Variants in C19orf67 observed in about 807,000 individuals in gnomAD.
The protein encoded by C19orf67 is chromosome 19 open reading frame 67.
In C19orf67, 28 loss-of-function variants were observed where a neutral mutation model predicts 41.4. That is an observed-to-expected ratio of 0.68 (90% CI 0.50 to 0.93). The LOEUF (loss-of-function observed/expected upper bound fraction) is 0.93, where lower values mean the gene tolerates loss of function less well. C19orf67 is among the 40% of genes least tolerant of loss of function. C19orf67 has a pLI of 0.00. For synonymous variants in C19orf67, 242 were observed against 203.4 expected, an observed-to-expected ratio of 1.19 and a Z score of -1.62; for missense variants, 421 against 467.0, an observed-to-expected ratio of 0.90 and a Z score of 0.91.
At chr19:14,082,748 C>A in intron 4 of C19orf67, 145 bp from the exon 5 acceptor site, 1 of 646,372 alleles carries the variant, frequency 1.5e-6, no homozygotes, top group South Asian at 2.7e-5. Flanking sequence ...GCCTTTTCTC[C>A]CTGCCAGCCT....
At chr19:14,082,651 C>T in intron 4 of C19orf67, 48 bp from the exon 5 acceptor site, 1 of 1,508,734 alleles carries the variant, frequency 6.6e-7, no homozygotes. Flanking sequence ...TTCCTAGCTA[C>T]TTCTGTTGAG....
intron 5 of C19orf67, 53 bp from the exon 6 acceptor site, chr19:14,082,061 C>T (rs560431816): frequency 2.2e-6 from 3 of 1,376,042 alleles, no homozygotes; most frequent in South Asian, 1.5e-5. Context: ...GCCCCCTGCC[C>T]CTCGGGAGTC....
At chr19:14,082,722 G>T in intron 4 of C19orf67, 119 bp from the exon 5 acceptor site, 2 of 873,072 alleles carry the variant, frequency 2.3e-6, no homozygotes, top group Non-Finnish European at 3.3e-6. Flanking sequence ...TTCTCAGGTA[G>T]GAATGTGACT....
At chr19:14,085,153 C>T in intron 1 of C19orf67, 140 bp downstream of exon 1, 1 of 665,454 alleles carries the variant, frequency 1.5e-6, no homozygotes, top group Non-Finnish European at 2.6e-6. Context: ...AAACTGGATT[C>T]TAATATGCTA....
Position 14,082,192 on chromosome 19 carries a change from G to A in C19orf67, c.903-184C>T, listed in dbSNP as rs564541034. Among the ~76,000 whole-genome samples the A allele has an allele frequency of 4.6e-5, 7 of 152,298 alleles. No homozygotes were observed. In the East Asian group the frequency reaches 1.3e-3, roughly 29 times the overall value. ...GACTTAGTAATGGCTCCTAGAGGCT[G>A]AATAACTGGTCCTGACCTGTCCATT... On this transcript the variant is annotated intron_variant, in intron 5 of 5. Coordinates refer to ENST00000548523, the MANE Select transcript of C19orf67 (RefSeq NM_001277378.2).
rs1355586105 is a variant in C19orf67 at position 14,082,695 on chromosome 19, C to G, written c.768-92G>C. ...TTTTGGAGTTGAGGTGGGAACTCATCAGAAGTTGCCCTGAAGTTCTCAGGT... is the reference window on the plus strand; with the variant it reads ...TTTTGGAGTTGAGGTGGGAACTCATGAGAAGTTGCCCTGAAGTTCTCAGGT... On this transcript the variant is annotated intron_variant, in intron 4 of 5. Coordinates refer to ENST00000548523, the MANE Select transcript of C19orf67 (RefSeq NM_001277378.2). 9 of 1,270,912 alleles carry G rather than the reference C, an allele frequency of 7.1e-6. No homozygotes were observed. In the East Asian group the frequency reaches 2.4e-4, roughly 35 times the overall value. 78.7% of individuals were successfully genotyped at this position (1,270,912 alleles called of 1,614,324 possible).
In C19orf67 at chr19:14,084,923, C is replaced by T. The variant is rs59007753; in HGVS notation, c.335+370G>A. 2.0e-3 allele frequency among the ~76,000 whole-genome samples: 303 copies of T among 152,302 alleles called. 3 individuals are homozygous for T. Among genetic ancestry groups the T allele is most frequent in the African/African-American group, 6.9e-3 (286 of 41,572 alleles). ...ATTGAGAGTCACAGGGAAACCTGGT[C>T]TGGGAATCACATTATCCTTTGGAGT... On this transcript the variant is annotated intron_variant, in intron 1 of 5. Transcript: ENST00000548523.
chr19:14,082,616 G>C lies in C19orf67; in HGVS notation c.768-13C>G. The C allele has an allele frequency of 6.5e-7, 1 of 1,534,846 alleles. No individual in the cohort carries two copies. The highest frequency in any genetic ancestry group is 8.7e-7 in the Non-Finnish European group (1 of 1,146,076). On this transcript the variant is annotated splice_polypyrimidine_tract_variant and intron_variant, in intron 4 of 5. Coordinates refer to ENST00000548523, the MANE Select transcript of C19orf67 (RefSeq NM_001277378.2). ...GCACAGAAAGTAGCTAGGAGGGGAGGGAGCTGTAATTAGAAGTGATCAGCT... is the reference window on the plus strand; with the variant it reads ...GCACAGAAAGTAGCTAGGAGGGGAGCGAGCTGTAATTAGAAGTGATCAGCT...
Position 14,081,849 on chromosome 19 carries a change from T to C in C19orf67, c.1062A>G (p.Ala354=). ...TTCCCCAGGTTCAAGACCCCTGCGCTGCCCACCCCGCAGGCCCGGCTGCGC... is the reference window on the plus strand; with the variant it reads ...TTCCCCAGGTTCAAGACCCCTGCGCCGCCCACCCCGCAGGCCCGGCTGCGC... ...PPSAAGPAGW[A]AQGS Residue 354 remains alanine, a synonymous_variant, in exon 6 of 6, where the codon GCA becomes GCG. Transcript: ENST00000548523. 12 of 1,532,100 alleles carry C rather than the reference T, an allele frequency of 7.8e-6. No individual in the cohort carries two copies. The highest frequency in any genetic ancestry group is 1.0e-5 in the Non-Finnish European group (12 of 1,144,800). The allele number at this position is 1,532,100 out of a possible 1,614,324, so 94.9% of individuals were successfully genotyped here.
intron 4 of C19orf67, 44 bp downstream of exon 4, chr19:14,083,193 C>A (rs1976795091): frequency 6.7e-7 from 1 of 1,492,820 alleles, no homozygotes; most frequent in South Asian, 1.2e-5. Flanking sequence ...TATTGGCATT[C>A]ATCATAGAAA....
chr19:14,084,969 G>A (rs541636130), intron 1 of C19orf67, among the ~76,000 whole-genome samples: 1 of 152,308 alleles, frequency 6.6e-6, no homozygotes, highest in South Asian at 2.1e-4. Flanking sequence ...TGTCCTGCAG[G>A]CCAAGTTTGG....
chr19:14,084,014 T>G (rs1470893440), intron 1 of C19orf67, 137 bp from the exon 2 acceptor site: 1 of 811,196 alleles, frequency 1.2e-6, no homozygotes, highest in Non-Finnish European at 1.7e-6. Flanking sequence ...AGGTCTTTTC[T>G]GAACATCTTT....
In C19orf67 at chr19:14,082,589, T is replaced by C. The variant is rs981680873; in HGVS notation, c.782A>G (p.Tyr261Cys). Residue 261 changes from tyrosine to cysteine, a missense_variant, in exon 5 of 6, where the codon TAT becomes TGT. Around this residue, in one of 3 missense-constraint regions of C19orf67, gnomAD observed 253 missense variants for 307.0 expected, o/e 0.82. Coordinates refer to ENST00000548523, the MANE Select transcript of C19orf67 (RefSeq NM_001277378.2). ...DSLVDYYFLC[Y>C]RDTWEDTGQS... ...GCCTGTGTCTTCCCAAGTATCTCGA[T>C]AGCACAGAAAGTAGCTAGGAGGGGA... The C allele has an allele frequency of 3.3e-5, 51 of 1,536,178 alleles. No individual in the cohort carries two copies. Among genetic ancestry groups the C allele is most frequent in the Non-Finnish European group, 4.3e-5 (49 of 1,146,878 alleles).
In C19orf67 at chr19:14,081,653, A is replaced by G; in HGVS notation, c.*181T>C. 2.1e-6 allele frequency: 1 copy of G among 474,214 alleles called. No homozygotes were observed. Among genetic ancestry groups the G allele is most frequent in the Non-Finnish European group, 3.7e-6 (1 of 272,444 alleles). 29.4% of individuals were successfully genotyped at this position (474,214 alleles called of 1,614,324 possible). ...CTTTCTTTCTTTTATTTAACACAAA[A>G]CTGACGTGTCCGCATTCAGGGCCCC... On this transcript the variant is annotated 3_prime_UTR_variant, in exon 6 of 6. Coordinates refer to ENST00000548523, the MANE Select transcript of C19orf67 (RefSeq NM_001277378.2).
chr19:14,085,612 A>G lies in C19orf67; in HGVS notation c.16T>C (p.Trp6Arg). The change falls in exon 1 of 6, where the codon TGG (tryptophan) becomes CGG (arginine). Residue 6 changes from tryptophan (W) to arginine (R), a missense_variant. By Grantham distance (101) the Trp-to-Arg change is moderately radical. Coordinates refer to ENST00000548523, the MANE Select transcript of C19orf67 (RefSeq NM_001277378.2). MATEQ[W>R]FEGSLPLDPG... ...TCCAGGGGGAGCGACCCCTCGAACC[A>G]CTGCTCTGTAGCCATGGTAGGGCCG... 1 of 1,533,976 alleles carries G rather than the reference A, an allele frequency of 6.5e-7. No individual in the cohort carries two copies. Among genetic ancestry groups the G allele is most frequent in the Non-Finnish European group, 8.7e-7 (1 of 1,145,856 alleles).
Position 14,083,844 on chromosome 19 carries a change from C to A in C19orf67, c.369G>T (p.Lys123Asn). 1 of 1,384,830 alleles carries A rather than the reference C, an allele frequency of 7.2e-7. No individual in the cohort carries two copies. Among genetic ancestry groups the A allele is most frequent in the Non-Finnish European group, 9.4e-7 (1 of 1,069,280 alleles). 85.8% of individuals were successfully genotyped at this position (1,384,830 alleles called of 1,614,324 possible). A position where few individuals can be genotyped will look rare whatever the true frequency, so the allele number is the denominator to read the frequency against. The change falls in exon 2 of 6, where the codon AAG becomes AAT. Residue 123 changes from lysine to asparagine, a missense_variant. Physicochemically the swap from Lys to Asn is moderately conservative, Grantham distance 94. Coordinates refer to ENST00000548523, the MANE Select transcript of C19orf67 (RefSeq NM_001277378.2). ...ACATCTGTAAGAAGGTGGGCATGGC[C>A]TTGGCCAGCTGCTCCTTCTGTACTT... ...RDQVQKEQLA[K>N]AMPTFLQMCE...
At chr19:14,082,402 G>T (rs1306806741) in intron 5 of C19orf67, 67 bp downstream of exon 5, 2 of 1,460,394 alleles carry the variant, frequency 1.4e-6, no homozygotes, top group Non-Finnish European at 1.8e-6. Flanking sequence ...AAGGTGGATT[G>T]TCTTTGGTGG....
Position 14,081,720 on chromosome 19 carries a change from G to A in C19orf67, c.*114C>T. On this transcript the variant is annotated 3_prime_UTR_variant, in exon 6 of 6. Transcript: ENST00000548523. Reference sequence around the variant, plus strand: ...CGGTGCAGACAGGTCAGCTCGGCCTGGCCCTTTGGAAGGCGAGGCCGGGCT... The same window carrying A: ...CGGTGCAGACAGGTCAGCTCGGCCTAGCCCTTTGGAAGGCGAGGCCGGGCT... The A allele has an allele frequency of 1.1e-6, 1 of 935,658 alleles. No homozygotes were observed. The highest frequency in any genetic ancestry group is 1.5e-6 in the Non-Finnish European group (1 of 664,934). The allele number at this position is 935,658 out of a possible 1,614,324, so 58.0% of individuals were successfully genotyped here.
chr19:14,082,301 G>T (rs1401508822), intron 5 of C19orf67, among the ~76,000 whole-genome samples, 168 bp downstream of exon 5: 1 of 152,172 alleles, frequency 6.6e-6, no homozygotes, highest in African/African-American at 2.4e-5. Flanking sequence ...CAATAGCATA[G>T]ATCTCCATGG....
Sources: allele counts gnomAD v4.1 joint callset (sites outside exome capture counted in the v4.1 genomes callset), GRCh38; gene constraint gnomAD v4.1.1; regional missense constraint gnomAD v4.1.1; transcripts MANE v1.5; gene names NCBI Gene and HGNC (gene_info 2026-07-23, HGNC 2026-07-21).